The following CLEC16A variants were observed in gnomAD, a reference collection of about 807,000 sequenced individuals.
The protein encoded by CLEC16A is protein CLEC16A.
CLEC16A carries 51 observed loss-of-function variants against 109.5 expected under a neutral mutation model. The observed-to-expected ratio is 0.47, with a 90% CI of 0.37 to 0.59. CLEC16A has a LOEUF of 0.59. CLEC16A is among the 20% of genes least tolerant of loss of function. The probability of loss-of-function intolerance (pLI) is 0.00; values close to 1 mark genes in which losing one functional copy is unlikely to be tolerated. For missense variants in CLEC16A, 1,339 were observed against 1,394.0 expected (o/e 0.96, Z 0.63); for synonymous variants, 673 against 564.2 (o/e 1.19, Z -2.73).
intron 3 of CLEC16A, 139 bp from the exon 4 acceptor site, chr16:10,969,022 C>A: frequency 1.6e-6 from 1 of 628,260 alleles, no homozygotes; most frequent in Non-Finnish European, 2.7e-6. Flanking sequence ...AAAAGTTAAG[C>A]TCTTCCCAGT....
chr16:11,144,187 A>G (rs1015915104), intron 22 of CLEC16A, among the ~76,000 whole-genome samples: 8 of 152,188 alleles, frequency 5.3e-5, no homozygotes, highest in Non-Finnish European at 1.0e-4. Flanking sequence ...GAAACTTGGT[A>G]GGGAACTGCA....
intron 22 of CLEC16A, among the ~76,000 whole-genome samples, chr16:11,158,714 G>A (rs1039931976): frequency 1.3e-5 from 2 of 152,010 alleles, no homozygotes; most frequent in African/African-American, 4.8e-5. Context: ...CTTTAGGTCA[G>A]GAGTTCGAGG....
intron 11 of CLEC16A, among the ~76,000 whole-genome samples, chr16:11,018,372 G>T (rs1200812418): frequency 6.6e-6 from 1 of 151,966 alleles, no homozygotes; most frequent in African/African-American, 2.4e-5. Context: ...CTTGAATGAT[G>T]CACCCCAGTC....
intron 7 of CLEC16A, 27 bp from the exon 8 acceptor site, chr16:10,977,198 G>A (rs2043071805): frequency 6.2e-7 from 1 of 1,607,150 alleles, no homozygotes; most frequent in Admixed American, 1.7e-5. Context: ...TTGGCCTCCA[G>A]GCTGAGGTGG....
chr16:11,106,432 G>C (rs1244914395), intron 19 of CLEC16A, among the ~76,000 whole-genome samples: 1 of 150,604 alleles, frequency 6.6e-6, no homozygotes, highest in African/African-American at 2.5e-5. Flanking sequence ...AGGATTACAG[G>C]TGTGAGCCAC....
chr16:11,139,861 G>C (rs944225554), intron 22 of CLEC16A, among the ~76,000 whole-genome samples: 3 of 152,198 alleles, frequency 2.0e-5, no homozygotes, highest in Non-Finnish European at 4.4e-5. Context: ...TAAGGTCCCA[G>C]GATAAAAATC....
rs565163355 is a variant in CLEC16A, at chr16:11,033,993, A to G, written c.1538-5761A>G. On this transcript the variant is annotated intron_variant, in intron 13 of 23. Coordinates refer to ENST00000409790, the MANE Select transcript of CLEC16A (RefSeq NM_015226.3). ...TGAAGGTTCCCCAGTTCAGTGACCA[A>G]CCTTCTACTCCTGCCACTCCATTTG... Among the ~76,000 whole-genome samples the G allele has an allele frequency of 5.9e-5, 9 of 152,214 alleles. No individual in the cohort carries two copies. The East Asian group carries it at 7.7e-4, about 13-fold the overall frequency.
chr16:11,073,861 C>T (rs2049204092), intron 19 of CLEC16A, among the ~76,000 whole-genome samples: 1 of 152,258 alleles, frequency 6.6e-6, no homozygotes, highest in African/African-American at 2.4e-5. Context: ...TGTAATTATT[C>T]ATAAACACTG....
chr16:11,167,235 T>A (rs1355322108), intron 23 of CLEC16A, among the ~76,000 whole-genome samples: 1 of 152,046 alleles, frequency 6.6e-6, no homozygotes, highest in African/African-American at 2.4e-5. Flanking sequence ...GGCCCCAAAT[T>A]GTAGCCAGAG....
At chr16:11,145,413 G>A (rs187760293) in intron 22 of CLEC16A, among the ~76,000 whole-genome samples, 30 of 152,264 alleles carry the variant, frequency 2.0e-4, no homozygotes, top group Middle Eastern at 6.8e-3. Context: ...TGTCATCCGC[G>A]GCCTCTCCCA....
chr16:11,027,318 G>C, intron 13 of CLEC16A: 1 of 1,456,846 alleles, frequency 6.9e-7, no homozygotes, highest in Non-Finnish European at 9.5e-7. Context: ...GATTGATGGC[G>C]TGAGTTTACT....
chr16:11,147,310 G>T (rs2054105496), intron 22 of CLEC16A, among the ~76,000 whole-genome samples: 2 of 152,216 alleles, frequency 1.3e-5, no homozygotes, highest in Non-Finnish European at 1.5e-5. Flanking sequence ...CCCTGCCGTG[G>T]CCCTGACTAC....
At chr16:10,989,166 C>T (rs1262550284) in intron 10 of CLEC16A, among the ~76,000 whole-genome samples, 2 of 152,172 alleles carry the variant, frequency 1.3e-5, no homozygotes, top group African/African-American at 2.4e-5. Context: ...GCTCTCCATT[C>T]AGCCAGACCC....
intron 13 of CLEC16A, among the ~76,000 whole-genome samples, chr16:11,039,229 G>C (rs1227055192): frequency 2.0e-5 from 3 of 152,098 alleles, no homozygotes; most frequent in East Asian, 3.8e-4. Flanking sequence ...TTAAGTACCT[G>C]CCAACCTCCC....
intron 17 of CLEC16A, 82 bp from the exon 18 acceptor site, chr16:11,051,431 G>A: frequency 2.1e-6 from 3 of 1,432,394 alleles, no homozygotes; most frequent in Non-Finnish European, 2.9e-6. Flanking sequence ...TTGAAGGCGA[G>A]GGGCCTGTGC....
chr16:11,055,498 C>T (rs2048163690), intron 18 of CLEC16A, among the ~76,000 whole-genome samples: 1 of 148,986 alleles, frequency 6.7e-6, no homozygotes, highest in African/African-American at 2.5e-5. Flanking sequence ...GGCAGGAGCG[C>T]AGCTACAGGA....
At chr16:11,040,192 A>G (rs2047246813) in intron 14 of CLEC16A, 3 of 308,688 alleles carry the variant, frequency 9.7e-6, no homozygotes, top group Non-Finnish European at 1.8e-5. Flanking sequence ...GGGTGGCCCA[A>G]GGTAATATTA....
At chr16:10,948,440 T>C (rs770696026) in intron 1 of CLEC16A, among the ~76,000 whole-genome samples, 1 of 152,242 alleles carries the variant, frequency 6.6e-6, no homozygotes, top group Non-Finnish European at 1.5e-5. Flanking sequence ...GGTTATTTGC[T>C]ACACACCATG....
intron 23 of CLEC16A, among the ~76,000 whole-genome samples, chr16:11,175,801 C>T (rs980355253): frequency 3.6e-4 from 55 of 152,242 alleles, no homozygotes; most frequent in African/African-American, 1.3e-3. Flanking sequence ...TACAAGGTTT[C>T]CACATCCCTG....
Sources: allele counts gnomAD v4.1 joint callset (sites outside exome capture counted in the v4.1 genomes callset), GRCh38; gene constraint gnomAD v4.1.1; transcripts MANE v1.5; gene names NCBI Gene and HGNC (gene_info 2026-07-23, HGNC 2026-07-21).